The following SORCS2 variants were observed in gnomAD, a reference collection of about 807,000 sequenced individuals.
SORCS2 encodes the protein VPS10 domain-containing receptor SorCS2.
SORCS2 carries 100 observed loss-of-function variants against 141.6 expected under a neutral mutation model. The ratio of observed to expected loss-of-function variants is 0.71; its 90% CI spans 0.60 to 0.83. The LOEUF is 0.83. SORCS2 is among the 40% of genes least tolerant of loss of function. The pLI, the probability that SORCS2 is intolerant of heterozygous loss-of-function variation, is 0.00. For synonymous variants in SORCS2, 789 were observed against 676.9 expected (o/e 1.17, Z -2.57); for missense variants, 1,646 against 1,560.2 (o/e 1.05, Z -0.93).
chr4:7,595,339 G>A (rs2108781495), intron 3 of SORCS2, among the ~76,000 whole-genome samples: 1 of 152,230 alleles, frequency 6.6e-6, no homozygotes, highest in East Asian at 1.9e-4. Flanking sequence ...CCCTCATCTA[G>A]GGGGTTTGTG....
At chr4:7,591,750 C>T (rs906065325) in intron 3 of SORCS2, among the ~76,000 whole-genome samples, 5 of 152,192 alleles carry the variant, frequency 3.3e-5, no homozygotes, top group African/African-American at 7.2e-5. Flanking sequence ...AAGCGCCCCA[C>T]GGCAGTGATG....
chr4:7,391,776 G>T (rs1723879888), intron 1 of SORCS2, among the ~76,000 whole-genome samples: 1 of 152,142 alleles, frequency 6.6e-6, no homozygotes, highest in African/African-American at 2.4e-5. Flanking sequence ...AGTGGTGATG[G>T]CATCCTGAGT....
At chr4:7,227,608 G>A (rs1729063642) in intron 1 of SORCS2, among the ~76,000 whole-genome samples, 1 of 152,138 alleles carries the variant, frequency 6.6e-6, no homozygotes, top group Non-Finnish European at 1.5e-5. Context: ...CCCTCTGTGT[G>A]GTGGCCTGGG....
Position 7,714,373 on chromosome 4 carries a change from G to A in SORCS2, c.2123G>A (p.Cys708Tyr). 6.4e-7 allele frequency: 1 copy of A among 1,551,234 alleles called. No homozygotes were observed. The highest frequency in any genetic ancestry group is 8.7e-7 in the Non-Finnish European group (1 of 1,147,244). Residue 708 changes from cysteine to tyrosine, a missense_variant and splice_region_variant, in exon 16 of 27, where the codon TGC (cysteine) becomes TAC (tyrosine). Physicochemically the swap from Cys to Tyr is radical, Grantham distance 194. Coordinates refer to ENST00000507866, the MANE Select transcript of SORCS2 (RefSeq NM_020777.3). ...GAGTGCCGGGACTCGGACTTCCTGTGGTGAGCGACGGGCTCCTGGCCACGA... is the reference window on the plus strand; with the variant it reads ...GAGTGCCGGGACTCGGACTTCCTGTAGTGAGCGACGGGCTCCTGGCCACGA... ...VCECRDSDFL[C>Y]DYGFERSSSS...
intron 3 of SORCS2, among the ~76,000 whole-genome samples, chr4:7,618,169 C>T (rs1444470482): frequency 6.6e-6 from 1 of 152,160 alleles, no homozygotes; most frequent in Non-Finnish European, 1.5e-5. Flanking sequence ...GCCTCCTCCG[C>T]AGGCTCCTCT....
At chr4:7,372,977 G>A (rs1330133672) in intron 1 of SORCS2, among the ~76,000 whole-genome samples, 6 of 150,576 alleles carry the variant, frequency 4.0e-5, no homozygotes, top group Non-Finnish European at 2.9e-5. Context: ...CTGATCCGTC[G>A]CCAGCTGCAG....
intron 16 of SORCS2, 21 bp from the exon 17 acceptor site, chr4:7,715,162 A>G (rs1726103881): frequency 6.2e-7 from 1 of 1,611,880 alleles, no homozygotes; most frequent in Non-Finnish European, 8.5e-7. Flanking sequence ...GTCACTTACC[A>G]CTACTCTTCC....
chr4:7,503,636 AC>A (rs1355550839), intron 2 of SORCS2, among the ~76,000 whole-genome samples: 2 of 152,310 alleles, frequency 1.3e-5, no homozygotes, highest in African/African-American at 4.8e-5. Context: ...AGGGAGAGGC[AC>A]AGGTGCAGAT....
At chr4:7,322,056 C>G (rs1386953099) in intron 1 of SORCS2, among the ~76,000 whole-genome samples, 1 of 152,172 alleles carries the variant, frequency 6.6e-6, no homozygotes, top group African/African-American at 2.4e-5. Flanking sequence ...TCCTCCTGAG[C>G]CATGAGGCTC....
At position 7,488,169 on chromosome 4, in the gene SORCS2, A is replaced by C. The variant is rs569676274; in HGVS notation, c.549-43361A>C. 1.1e-4 allele frequency among the ~76,000 whole-genome samples: 17 copies of C among 152,356 alleles called. No individual in the cohort carries two copies. The South Asian group carries it at 3.5e-3, about 32-fold the overall frequency. On this transcript the variant is annotated intron_variant, in intron 2 of 26. Coordinates refer to ENST00000507866, the MANE Select transcript of SORCS2 (RefSeq NM_020777.3). ...CTAGTGACCAGTCTGCCATGGTCTCAGGCAAGGGCCAGGCTCCCGTGGGCC... is the reference window on the plus strand; with the variant it reads ...CTAGTGACCAGTCTGCCATGGTCTCCGGCAAGGGCCAGGCTCCCGTGGGCC...
At chr4:7,559,474 G>A (rs953634392) in intron 3 of SORCS2, among the ~76,000 whole-genome samples, 4 of 152,176 alleles carry the variant, frequency 2.6e-5, no homozygotes, top group Admixed American at 6.5e-5. Flanking sequence ...CCCCGTTGGT[G>A]GGTGTGTGTT....
chr4:7,552,949 G>A (rs1713824483), intron 3 of SORCS2, among the ~76,000 whole-genome samples: 1 of 152,338 alleles, frequency 6.6e-6, no homozygotes, highest in Non-Finnish European at 1.5e-5. Flanking sequence ...CTCTCAGAGA[G>A]GAAGGCAGAA....
intron 2 of SORCS2, among the ~76,000 whole-genome samples, chr4:7,525,642 C>T (rs1347467748): frequency 6.6e-6 from 1 of 152,132 alleles, no homozygotes; most frequent in African/African-American, 2.4e-5. Context: ...CCTATTCTTC[C>T]TCTCACTCCT....
intron 4 of SORCS2, among the ~76,000 whole-genome samples, chr4:7,639,821 G>A (rs972628277): frequency 6.6e-6 from 1 of 151,178 alleles, no homozygotes; most frequent in Non-Finnish European, 1.5e-5. Flanking sequence ...GAGTGTGAGG[G>A]TGTGTTTTAG....
At chr4:7,231,892 C>T (rs958164458) in intron 1 of SORCS2, among the ~76,000 whole-genome samples, 1 of 152,034 alleles carries the variant, frequency 6.6e-6, no homozygotes, top group African/African-American at 2.4e-5. Context: ...GACCCAGGCT[C>T]TCGGGGTGGG....
At chr4:7,195,836 C>T (rs1484602730) in intron 1 of SORCS2, among the ~76,000 whole-genome samples, 3 of 152,228 alleles carry the variant, frequency 2.0e-5, no homozygotes, top group East Asian at 1.9e-4. Flanking sequence ...GAAACTCACA[C>T]GGCTGGTTTG....
chr4:7,697,592 G>A (rs1414701893), intron 12 of SORCS2, among the ~76,000 whole-genome samples: 1 of 152,240 alleles, frequency 6.6e-6, no homozygotes, highest in African/African-American at 2.4e-5. Context: ...GAGAAACGGG[G>A]ATAAATGCCA....
At chr4:7,484,244 G>C (rs6831289) in intron 2 of SORCS2, among the ~76,000 whole-genome samples, 2 of 152,170 alleles carry the variant, frequency 1.3e-5, no homozygotes, top group East Asian at 1.9e-4. Flanking sequence ...CGTATTTTCC[G>C]AGGTGATCGA....
intron 2 of SORCS2, among the ~76,000 whole-genome samples, chr4:7,513,490 G>T (rs1188180902): frequency 6.6e-6 from 1 of 152,240 alleles, no homozygotes; most frequent in Non-Finnish European, 1.5e-5. Context: ...CCAGGCCAGA[G>T]CCGGGACTGC....
Sources: gnomAD v4.1 joint callset for allele counts (sites outside exome capture counted in the v4.1 genomes callset) on GRCh38, gnomAD v4.1.1 for gene constraint, MANE v1.5 for transcripts, NCBI Gene and HGNC (gene_info 2026-07-23, HGNC 2026-07-21) for gene names.